ITGA1: variants seen among roughly 807,000 people sequenced by gnomAD.
ITGA1 encodes integrin alpha-1.
In ITGA1, 85 loss-of-function variants were observed where a neutral mutation model predicts 145.9. The observed-to-expected ratio is 0.58, with a 90% CI of 0.49 to 0.70. ITGA1 has a LOEUF of 0.70. Ranked by LOEUF, ITGA1 falls within the 30% of genes least tolerant of loss-of-function variation. The pLI is 0.00. For synonymous variants in ITGA1, 520 were observed against 495.3 expected (o/e 1.05, Z -0.66); for missense variants, 1,351 against 1,418.7 (o/e 0.95, Z 0.77).
chr5:52,854,125 C>T (rs574019886), intron 2 of ITGA1, among the ~76,000 whole-genome samples: 4 of 152,288 alleles, frequency 2.6e-5, no homozygotes, highest in Non-Finnish European at 5.9e-5. Context: ...AGGATCCACC[C>T]TTGCCAACCT....
chr5:52,874,709 T>C (rs1749838461), intron 6 of ITGA1, among the ~76,000 whole-genome samples: 2 of 152,172 alleles, frequency 1.3e-5, no homozygotes, highest in Admixed American at 1.3e-4. Context: ...AGTATTATGC[T>C]AGGTGTCAAG....
chr5:52,881,908 T>G lies in ITGA1; in HGVS notation c.660T>G (p.His220Gln), dbSNP rs764844906. Residue 220 changes from histidine (H) to glutamine (Q), a missense_variant, in exon 7 of 29, where the codon CAT (histidine) becomes CAG (glutamine). By Grantham distance (24) the His-to-Gln change is conservative (BLOSUM62 0). Transcript: ENST00000282588. The stretch of plus-strand genomic sequence containing the variant: ...TACAGTATGGAGAAAACGTGACCCA[T>G]GAGTTCAACCTCAATAAGTATTCTT... ...GIVQYGENVT[H>Q]EFNLNKYSST... is the part of the protein sequence containing the mutation. 3 of 1,613,930 alleles carry G rather than the reference T, an allele frequency of 1.9e-6. No homozygotes were observed. Among genetic ancestry groups the G allele is most frequent in the Non-Finnish European group, 2.5e-6 (3 of 1,179,900 alleles).
chr5:52,793,461 TAAAA>T (rs1748280903), intron 1 of ITGA1, among the ~76,000 whole-genome samples: 1 of 151,212 alleles, frequency 6.6e-6, no homozygotes, highest in African/African-American at 2.4e-5. Context: ...TATGTACCAC[TAAAA>T]AAGACAAGCC....
At chr5:52,854,079 C>T (rs193017532) in intron 2 of ITGA1, among the ~76,000 whole-genome samples, 180 of 152,290 alleles carry the variant, frequency 1.2e-3, no homozygotes, top group African/African-American at 3.9e-3. Flanking sequence ...GTTTCAGTGA[C>T]TTCACTGGAC....
chr5:52,939,699 A>T lies in ITGA1; in HGVS notation c.3180+8A>T. On this transcript the variant is annotated splice_region_variant and intron_variant, in intron 25 of 28. Coordinates refer to ENST00000282588, the MANE Select transcript of ITGA1 (RefSeq NM_181501.2). ...AAACGAGGCACAATTCTGGTAAATTAAGACAAGTGCTATTTTTACCTTTTG... is the reference window on the plus strand; with the variant it reads ...AAACGAGGCACAATTCTGGTAAATTTAGACAAGTGCTATTTTTACCTTTTG... 6.3e-7 allele frequency: 1 copy of T among 1,587,942 alleles called. No individual in the cohort carries two copies. Among genetic ancestry groups the T allele is most frequent in the Non-Finnish European group, 8.6e-7 (1 of 1,156,788 alleles).
In ITGA1 at chr5:52,894,852, G is replaced by A. The variant is rs142350771; in HGVS notation, c.1090+1012G>A. Among the ~76,000 whole-genome samples the A allele has an allele frequency of 4.6e-3, 694 of 152,250 alleles. 2 individuals are homozygous for A. The highest frequency in any genetic ancestry group is 8.1e-3 in the Admixed American group (124 of 15,300). On this transcript the variant is annotated intron_variant, in intron 9 of 28. Coordinates refer to ENST00000282588, the MANE Select transcript of ITGA1 (RefSeq NM_181501.2). ...AAAAAGTAGACCATTTTGATTGAGCGTCAAGGGGCTGGGAAAATGCAGAAA... is the reference window on the plus strand; with the variant it reads ...AAAAAGTAGACCATTTTGATTGAGCATCAAGGGGCTGGGAAAATGCAGAAA...
At chr5:52,827,089 C>CTTTTTTTTTTT (rs201041439) in intron 1 of ITGA1, among the ~76,000 whole-genome samples, 1 of 134,846 alleles carries the variant, frequency 7.4e-6, no homozygotes, top group Non-Finnish European at 1.6e-5. Flanking sequence ...CCATTAAGAA[C>CTTTTTTTTTTT]TTTTTTTTTT....
intron 1 of ITGA1, among the ~76,000 whole-genome samples, chr5:52,807,409 G>A (rs1435008489): frequency 2.7e-5 from 3 of 110,658 alleles, no homozygotes; most frequent in African/African-American, 1.3e-4. Flanking sequence ...ACTATTTTCT[G>A]ATGCAAAAAA....
intron 1 of ITGA1, among the ~76,000 whole-genome samples, chr5:52,818,992 G>A (rs1440229778): frequency 1.3e-5 from 2 of 152,062 alleles, no homozygotes; most frequent in Non-Finnish European, 2.9e-5. Context: ...AATCCCTCCT[G>A]TACTATGCCC....
At chr5:52,922,720 G>C in intron 17 of ITGA1, 57 bp from the exon 18 acceptor site, 1 of 1,123,984 alleles carries the variant, frequency 8.9e-7, no homozygotes, top group Non-Finnish European at 1.3e-6. Context: ...GACATAACAA[G>C]ATCAGAACAC....
At chr5:52,922,548 A>G (rs1419049174) in intron 17 of ITGA1, among the ~76,000 whole-genome samples, 1 of 152,116 alleles carries the variant, frequency 6.6e-6, no homozygotes, top group African/African-American at 2.4e-5. Flanking sequence ...GAGGAACTGG[A>G]AGTGAGTCAA....
chr5:52,912,150 ATATGC>A (rs1319779372), intron 14 of ITGA1, among the ~76,000 whole-genome samples: 29 of 142,992 alleles, frequency 2.0e-4, no homozygotes, highest in Middle Eastern at 0.011. Context: ...TAGTATATAG[ATATGC>A]TATATATAGC....
Position 52,920,384 on chromosome 5 carries a change from T to C in ITGA1, c.2208T>C (p.Phe736=), listed in dbSNP as rs1425331511. Residue 736 remains phenylalanine, a synonymous_variant, in exon 17 of 29, where the codon TTT becomes TTC. Coordinates refer to ENST00000282588, the MANE Select transcript of ITGA1 (RefSeq NM_181501.2). ...LDSLRQISRS[F]FSGTQERKVQ... is the part of the protein sequence containing the mutation. ...CACTAAGACAAATATCACGAAGTTT[T>C]TTCTCTGGAACTCAAGAGAGAAAGG... 1.9e-6 allele frequency: 3 copies of C among 1,612,556 alleles called. No homozygotes were observed. The highest frequency in any genetic ancestry group is 1.7e-5 in the Admixed American group (1 of 59,744).
intron 2 of ITGA1, among the ~76,000 whole-genome samples, chr5:52,852,553 C>T (rs1005983134): frequency 1.3e-5 from 2 of 152,022 alleles, no homozygotes; most frequent in East Asian, 1.9e-4. Flanking sequence ...TGTACTGGCT[C>T]ATTGGGAAAT....
At chr5:52,865,464 AT>A (rs1197417628) in intron 5 of ITGA1, among the ~76,000 whole-genome samples, 1 of 152,262 alleles carries the variant, frequency 6.6e-6, no homozygotes, top group Non-Finnish European at 1.5e-5. Context: ...ACTAATTAAA[AT>A]TCAGTAGGTA....
chr5:52,799,295 A>G (rs1310517222), intron 1 of ITGA1, among the ~76,000 whole-genome samples: 1 of 152,236 alleles, frequency 6.6e-6, no homozygotes, highest in Non-Finnish European at 1.5e-5. Flanking sequence ...TAGCTATTCA[A>G]TCAGGGTCAG....
At chr5:52,857,082 G>T (rs1749526315) in intron 2 of ITGA1, among the ~76,000 whole-genome samples, 1 of 152,204 alleles carries the variant, frequency 6.6e-6, no homozygotes, top group Admixed American at 6.5e-5. Context: ...AGCCTTAGAA[G>T]TCATAGTATC....
At chr5:52,834,475 CAGAG>C (rs1276136510) in intron 1 of ITGA1, among the ~76,000 whole-genome samples, 1 of 136,060 alleles carries the variant, frequency 7.3e-6, no homozygotes, top group Non-Finnish European at 1.6e-5. Flanking sequence ...GAGAGAGAGA[CAGAG>C]AGAGAAAAAG....
At position 52,956,139 on chromosome 5, in the gene ITGA1, C is replaced by G. The variant is rs1227268002; in HGVS notation, c.*3688C>G. ...AGGCTGGGGAATCCCTGCCCATGTT[C>G]TCTCCAAGGCCACAGCTTGCACACC... On this transcript the variant is annotated 3_prime_UTR_variant, in exon 29 of 29. Transcript: ENST00000282588. 6.6e-6 allele frequency: 1 copy of G among 152,110 alleles called. No individual in the cohort carries two copies. Among genetic ancestry groups the G allele is most frequent in the Admixed American group, 6.5e-5 (1 of 15,278 alleles). The allele number at this position is 152,110 out of a possible 1,614,324, so 9.4% of individuals were successfully genotyped here. A position where few individuals can be genotyped will look rare whatever the true frequency, so the allele number is the denominator to read the frequency against.
Sources: allele counts gnomAD v4.1 joint callset (sites outside exome capture counted in the v4.1 genomes callset), GRCh38; gene constraint gnomAD v4.1.1; transcripts MANE v1.5; gene names NCBI Gene and HGNC (gene_info 2026-07-23, HGNC 2026-07-21).